Variants in MRPS14 observed in about 807,000 individuals in gnomAD.
The protein encoded by MRPS14 is small ribosomal subunit protein uS14m.
A neutral mutation model predicts 16.4 loss-of-function variants in MRPS14; 14 were observed. The observed-to-expected ratio is 0.85, with a 90% CI of 0.56 to 1.33. The LOEUF (loss-of-function observed/expected upper bound fraction) is 1.33, where lower values mean the gene tolerates loss of function less well. Among genes scored for constraint, MRPS14 ranks in the 40% most tolerant of loss-of-function variants. MRPS14 has a pLI of 0.00. For synonymous variants in MRPS14, 54 were observed against 61.9 expected (o/e 0.87, Z 0.60); for missense variants, 162 against 176.8 (o/e 0.92, Z 0.48).
chr1:175,017,752 A>C (rs1672908940), intron 2 of MRPS14, among the ~76,000 whole-genome samples: 1 of 152,150 alleles, frequency 6.6e-6, no homozygotes, highest in Non-Finnish European at 1.5e-5. Flanking sequence ...GAATGGTGCT[A>C]GGTAAGGAAC....
chr1:175,020,504 T>A (rs769672399), intron 1 of MRPS14, among the ~76,000 whole-genome samples: 9 of 152,198 alleles, frequency 5.9e-5, no homozygotes, highest in Non-Finnish European at 1.2e-4. Flanking sequence ...AAAAGTAATA[T>A]CCATTTTTTC....
rs1672835550 is a variant in MRPS14 at position 175,014,076 on chromosome 1, G to T, written c.*593C>A. 1 of 153,154 alleles carries T rather than the reference G, an allele frequency of 6.5e-6. No individual in the cohort carries two copies. The highest frequency in any genetic ancestry group is 6.5e-5 in the Admixed American group (1 of 15,306). The allele number at this position is 153,154 out of a possible 1,614,324, so 9.5% of individuals were successfully genotyped here. A position where few individuals can be genotyped will look rare whatever the true frequency, so the allele number is the denominator to read the frequency against. ...TCCTCTTTAGATGGAGACTTTCAAGGACTTAAAGAGGCATAATTTGTTTTA... is the reference window on the plus strand; with the variant it reads ...TCCTCTTTAGATGGAGACTTTCAAGTACTTAAAGAGGCATAATTTGTTTTA... On this transcript the variant is annotated 3_prime_UTR_variant, in exon 3 of 3. Transcript: ENST00000476371.
Position 175,013,113 on chromosome 1 carries a change from TTAGC to T in MRPS14, c.*1552_*1555del, listed in dbSNP as rs1481328090. ...GTGAGATGGATTCTAAGTTGAGATATTAGCTAGAACATTCCAGTTGGTAAGTTGT... is the reference window on the plus strand; with the variant it reads ...GTGAGATGGATTCTAAGTTGAGATATTAGAACATTCCAGTTGGTAAGTTGT... On this transcript the variant is annotated 3_prime_UTR_variant, in exon 3 of 3. Transcript: ENST00000476371. The T allele has an allele frequency of 6.6e-6, 1 of 152,230 alleles. No individual in the cohort carries two copies. 9.4% of individuals were successfully genotyped at this position (152,230 alleles called of 1,614,324 possible). A position where few individuals can be genotyped will look rare whatever the true frequency, so the allele number is the denominator to read the frequency against.
chr1:175,017,124 G>A (rs1353227104), intron 2 of MRPS14, among the ~76,000 whole-genome samples: 2 of 151,824 alleles, frequency 1.3e-5, no homozygotes, highest in Non-Finnish European at 2.9e-5. Flanking sequence ...GCGTGATCTC[G>A]GTTCACTGTA....
Position 175,014,817 on chromosome 1 carries a change from C to CG in MRPS14, c.238dup (p.Arg80ProfsTer3). 6.2e-7 allele frequency: 1 copy of CG among 1,613,910 alleles called. No homozygotes were observed. Among genetic ancestry groups the CG allele is most frequent in the Non-Finnish European group, 8.5e-7 (1 of 1,179,944 alleles). The stretch of plus-strand genomic sequence containing the variant: ...TCTGATTCTAACAGGACAGCTATCC[C>CG]GGGGGAGGGCAGCAATTTCTTCATC... On this transcript the variant is annotated frameshift_variant, in exon 3 of 3. Transcript: ENST00000476371. LOFTEE classifies it high-confidence loss of function.
intron 1 of MRPS14, among the ~76,000 whole-genome samples, chr1:175,022,159 A>C (rs939060127): frequency 1.3e-5 from 2 of 152,138 alleles, no homozygotes; most frequent in Admixed American, 1.3e-4. Context: ...GATATGCTTT[A>C]AGTGTTTGAA....
chr1:175,020,223 A>G (rs1672956850), intron 1 of MRPS14, among the ~76,000 whole-genome samples: 1 of 152,154 alleles, frequency 6.6e-6, no homozygotes, highest in African/African-American at 2.4e-5. Context: ...GGGAGGGGAG[A>G]AAAGGTAGTC....
intron 1 of MRPS14, among the ~76,000 whole-genome samples, chr1:175,021,692 CCT>C (rs1199828453): frequency 1.3e-5 from 2 of 151,520 alleles, no homozygotes; most frequent in Non-Finnish European, 2.9e-5. Flanking sequence ...CTCTCTGGCC[CCT>C]CTCTCACTTC....
In MRPS14 at chr1:175,023,323, G is replaced by T. The variant is rs1174434600; in HGVS notation, c.45+41C>A. ...GGGGACCCGTGGGTTATGAGATTCA[G>T]CGGTGAGGGGTAGCGGTGTGGATAA... On this transcript the variant is annotated intron_variant, in intron 1 of 2. Coordinates refer to ENST00000476371, the MANE Select transcript of MRPS14 (RefSeq NM_022100.3). The T allele has an allele frequency of 1.9e-5, 31 of 1,608,576 alleles. No individual in the cohort carries two copies. The East Asian group carries it at 6.9e-4, about 36-fold the overall frequency.
At chr1:175,023,257 T>C (rs1673013218) in intron 1 of MRPS14, 107 bp downstream of exon 1, 1 of 1,561,410 alleles carries the variant, frequency 6.4e-7, no homozygotes, top group Non-Finnish European at 8.7e-7. Context: ...GGAGAACCCC[T>C]GGACTGGTCC....
intron 2 of MRPS14, among the ~76,000 whole-genome samples, chr1:175,016,459 A>G (rs1672883503): frequency 6.6e-6 from 1 of 152,230 alleles, no homozygotes; most frequent in South Asian, 2.1e-4. Context: ...TAAAAGCCTC[A>G]GGACACAAAA....
In MRPS14 at chr1:175,018,417, C is replaced by A. The variant is rs759283643; in HGVS notation, c.204+1G>T. On this transcript the variant is annotated splice_donor_variant, in intron 2 of 2. Transcript: ENST00000476371. LOFTEE classifies it high-confidence loss of function. ...AAAGGGACTCATCTTAATTAGCTAA[C>A]CTGAAGAATTTTTGGCAAAATGGTA... 3.8e-6 allele frequency: 6 copies of A among 1,593,094 alleles called. No individual in the cohort carries two copies. The highest frequency in any genetic ancestry group is 5.1e-6 in the Non-Finnish European group (6 of 1,171,872).
Position 175,014,790 on chromosome 1 carries a change from T to C in MRPS14, c.266A>G (p.Asn89Ser), listed in dbSNP as rs557418707. ...CGGACGGGACGTCATAACACACCGA[T>C]TTCTGATTCTAACAGGACAGCTATC... ...PRDSCPVRIR[N>S]RCVMTSRPRG... Residue 89 changes from asparagine (N) to serine (S), a missense_variant, in exon 3 of 3, where the codon AAT becomes AGT. Physicochemically the swap from Asn to Ser is conservative, Grantham distance 46. Coordinates refer to ENST00000476371, the MANE Select transcript of MRPS14 (RefSeq NM_022100.3). 24 of 1,614,132 alleles carry C rather than the reference T, an allele frequency of 1.5e-5. No individual in the cohort carries two copies. In the South Asian group the frequency reaches 2.5e-4, roughly 17 times the overall value.
At chr1:175,014,910 CCTT>C (rs1218517994) in intron 2 of MRPS14, 59 bp from the exon 3 acceptor site, 49 of 1,495,006 alleles carry the variant, frequency 3.3e-5, no homozygotes, top group African/African-American at 4.3e-5. Context: ...GTATTTTGCT[CCTT>C]CTCACTTGCA....
At chr1:175,021,745 A>G (rs1240715664) in intron 1 of MRPS14, among the ~76,000 whole-genome samples, 1 of 152,102 alleles carries the variant, frequency 6.6e-6, no homozygotes, top group Non-Finnish European at 1.5e-5. Flanking sequence ...CCTTCTGTCC[A>G]TTTCCAACTC....
rs1058741 is a variant in MRPS14 at position 175,014,497 on chromosome 1, T to C, written c.*172A>G. ...CAAGAGAAAAGATAATTCACTGACA[T>C]GAAACACCCAAATGTCTTCATTTTA... On this transcript the variant is annotated 3_prime_UTR_variant, in exon 3 of 3. Coordinates refer to ENST00000476371, the MANE Select transcript of MRPS14 (RefSeq NM_022100.3). 124,585 of 566,628 alleles carry C rather than the reference T, an allele frequency of 0.22. 14,582 individuals are homozygous for C. Among genetic ancestry groups the C allele is most frequent in the Admixed American group, 0.25 (6,911 of 28,170 alleles). The allele number at this position is 566,628 out of a possible 1,614,324, so 35.1% of individuals were successfully genotyped here. A position where few individuals can be genotyped will look rare whatever the true frequency, so the allele number is the denominator to read the frequency against.
chr1:175,013,074 T>C lies in MRPS14; in HGVS notation c.*1595A>G, dbSNP rs1225844800. The C allele has an allele frequency of 6.6e-6, 1 of 152,226 alleles. No individual in the cohort carries two copies. The highest frequency in any genetic ancestry group is 1.5e-5 in the Non-Finnish European group (1 of 68,038). 9.4% of individuals were successfully genotyped at this position (152,226 alleles called of 1,614,324 possible). A position where few individuals can be genotyped will look rare whatever the true frequency, so the allele number is the denominator to read the frequency against. On this transcript the variant is annotated 3_prime_UTR_variant, in exon 3 of 3. Transcript: ENST00000476371. Reference sequence around the variant, plus strand: ...TGCAAGTAACTTTAGAACACAAGTGTTTGCCCATTGGTAGTGAGATGGATT... The same window carrying C: ...TGCAAGTAACTTTAGAACACAAGTGCTTGCCCATTGGTAGTGAGATGGATT...
rs139650133 is a variant in MRPS14 at position 175,020,345 on chromosome 1, G to T, written c.46-1769C>A. Among the ~76,000 whole-genome samples, 354 of 152,322 alleles carry T rather than the reference G, an allele frequency of 2.3e-3. 1 individual carries two copies. Among genetic ancestry groups the T allele is most frequent in the Non-Finnish European group, 4.0e-3 (269 of 68,028 alleles). ...GAGGTTTGCTTTTACCTGTGAAATT[G>T]AGGGTACAGGAGATTTAGAAAACAA... On this transcript the variant is annotated intron_variant, in intron 1 of 2. Coordinates refer to ENST00000476371, the MANE Select transcript of MRPS14 (RefSeq NM_022100.3).
At chr1:175,014,910 C>A in intron 2 of MRPS14, 59 bp from the exon 3 acceptor site, 2 of 1,495,118 alleles carry the variant, frequency 1.3e-6, no homozygotes, top group South Asian at 1.2e-5. Flanking sequence ...GTATTTTGCT[C>A]CTTCTCACTT....
Sources: allele counts gnomAD v4.1 joint callset (sites outside exome capture counted in the v4.1 genomes callset), GRCh38; gene constraint gnomAD v4.1.1; transcripts MANE v1.5; gene names NCBI Gene and HGNC (gene_info 2026-07-23, HGNC 2026-07-21).